The following CGREF1 variants were observed in gnomAD, a reference collection of about 807,000 sequenced individuals.
CGREF1 encodes the protein cell growth regulator with EF-hand domain 1, also known as cell growth regulator with EF hand domain protein 1.
Under a neutral mutation model 17.4 loss-of-function variants are expected in CGREF1, and 16 were observed. That is an observed-to-expected ratio of 0.92 (90% CI 0.62 to 1.40). The LOEUF (loss-of-function observed/expected upper bound fraction) is 1.40. Among genes scored for constraint, CGREF1 ranks in the 40% most tolerant of loss-of-function variants. The pLI is 0.00. For missense variants in CGREF1, 296 were observed against 376.4 expected (o/e 0.79, Z 1.77); for synonymous variants, 142 against 154.6 (o/e 0.92, Z 0.61).
downstream of CGREF1, chr2:27,100,449 T>G (rs750863687): frequency 9.3e-6 from 12 of 1,290,892 alleles, no homozygotes; most frequent in African/African-American, 1.8e-4. Context: ...GCCACAAATG[T>G]GACCCAGGAT....
intron 1 of CGREF1, among the ~76,000 whole-genome samples, chr2:27,117,247 G>C (rs1173642427): frequency 6.6e-6 from 1 of 152,102 alleles, no homozygotes; most frequent in Non-Finnish European, 1.5e-5. Flanking sequence ...TGACATTTTA[G>C]TGCAAGTAAC....
chr2:27,111,673 G>T (rs1215526588), intron 1 of CGREF1, among the ~76,000 whole-genome samples: 1 of 152,212 alleles, frequency 6.6e-6, no homozygotes, highest in Non-Finnish European at 1.5e-5. Context: ...GGCAGCTGAG[G>T]CCCGGCGAGA....
At position 27,102,236 on chromosome 2, in the gene CGREF1, AGCTGGATTAGAAGAGGT is replaced by A. The variant is rs943762130; in HGVS notation, c.218-32_218-16del. 5.0e-6 allele frequency: 8 copies of A among 1,610,640 alleles called. No homozygotes were observed. Among genetic ancestry groups the A allele is most frequent in the Non-Finnish European group, 6.8e-6 (8 of 1,177,398 alleles). On this transcript the variant is annotated splice_polypyrimidine_tract_variant and intron_variant, in intron 4 of 5. Transcript: ENST00000402394. ...GTAGAGGAGAACTAAAGAGAAGAGA[AGCTGGATTAGAAGAGGT>A]GCCGGGGGAGGTGGAGAAGGCAGGA...
downstream of CGREF1, chr2:27,099,380 G>A (rs371334415): frequency 5.8e-5 from 93 of 1,610,186 alleles, no homozygotes; most frequent in Non-Finnish European, 7.3e-5. Flanking sequence ...CTGGGGGGAC[G>A]GGGTGGGCTA....
intron 1 of CGREF1, among the ~76,000 whole-genome samples, chr2:27,110,354 A>G (rs1671318877): frequency 6.6e-6 from 1 of 152,150 alleles, no homozygotes; most frequent in Non-Finnish European, 1.5e-5. Flanking sequence ...GTAAGCTGCA[A>G]TTATACCACT....
intron 1 of CGREF1, chr2:27,104,697 A>T: frequency 6.5e-7 from 1 of 1,549,748 alleles, no homozygotes; most frequent in Non-Finnish European, 8.7e-7. Flanking sequence ...AGAGAAGTAC[A>T]GCGCAAGCAT....
At chr2:27,100,186 C>T (rs1206349919), downstream of CGREF1, 1 of 454,466 alleles carries the variant, frequency 2.2e-6, no homozygotes, top group South Asian at 2.1e-5. Flanking sequence ...GTGAACCTGC[C>T]AAAGAAACCG....
Position 27,101,260 on chromosome 2 carries a change from TG to T in CGREF1, c.*13del, listed in dbSNP as rs1370705042. ...TGGCACTGAGACTTCGTGGGGTACCTGTATCTTCAAGATCTAGATCTCATCA... is the reference window on the plus strand; with the variant it reads ...TGGCACTGAGACTTCGTGGGGTACCTTATCTTCAAGATCTAGATCTCATCA... On this transcript the variant is annotated 3_prime_UTR_variant, in exon 6 of 6. Transcript: ENST00000402394. 7.2e-6 allele frequency: 11 copies of T among 1,531,430 alleles called. No individual in the cohort carries two copies. The highest frequency in any genetic ancestry group is 9.7e-6 in the Non-Finnish European group (11 of 1,139,166). The allele number at this position is 1,531,430 out of a possible 1,614,324, so 94.9% of individuals were successfully genotyped here. A position where few individuals can be genotyped will look rare whatever the true frequency, so the allele number is the denominator to read the frequency against.
chr2:27,110,938 G>C (rs1390920936), intron 1 of CGREF1: 1 of 152,480 alleles, frequency 6.6e-6, no homozygotes, highest in East Asian at 1.9e-4. Context: ...CTCCCAGTGG[G>C]TTCGTGATCT....
At chr2:27,113,023 T>G (rs1671447805) in intron 1 of CGREF1, among the ~76,000 whole-genome samples, 1 of 152,142 alleles carries the variant, frequency 6.6e-6, no homozygotes, top group South Asian at 2.1e-4. Context: ...GTGCCTTGTT[T>G]CCAGGAAGGT....
intron 1 of CGREF1, 189 bp from the exon 2 acceptor site, chr2:27,104,566 T>C: frequency 5.8e-6 from 9 of 1,550,584 alleles, no homozygotes; most frequent in Non-Finnish European, 7.8e-6. Flanking sequence ...AAAATAAATG[T>C]CACTCCAGCT....
Position 27,104,396 on chromosome 2 carries a change from T to C in CGREF1, c.-11-19A>G. ...CCTGGAACTGGAACAAGGAAGAGAA[T>C]CAGGGGTCGGGGGAAAGAGGCGTCT... On this transcript the variant is annotated intron_variant, in intron 1 of 5. Transcript: ENST00000402394. The C allele has an allele frequency of 6.2e-7, 1 of 1,613,062 alleles. No individual in the cohort carries two copies. Among genetic ancestry groups the C allele is most frequent in the Non-Finnish European group, 8.5e-7 (1 of 1,179,638 alleles).
downstream of CGREF1, chr2:27,099,913 T>TG (rs1259745759): frequency 9.4e-6 from 14 of 1,491,872 alleles, no homozygotes; most frequent in East Asian, 1.5e-4. Flanking sequence ...GGAGAGGCTC[T>TG]GGGGGGATGG....
intron 1 of CGREF1, among the ~76,000 whole-genome samples, chr2:27,107,269 G>GTTTTGT (rs1259647416): frequency 1.3e-5 from 2 of 152,000 alleles, no homozygotes; most frequent in African/African-American, 4.8e-5. Context: ...GTTTTGTTTT[G>GTTTTGT]TTTGAGAGAG....
At chr2:27,106,359 C>A (rs1046965061) in intron 1 of CGREF1, among the ~76,000 whole-genome samples, 3 of 152,194 alleles carry the variant, frequency 2.0e-5, no homozygotes, top group African/African-American at 7.2e-5. Context: ...ACTTGAGCTG[C>A]CTGTCAGTGT....
At chr2:27,110,736 G>C (rs544492388) in intron 1 of CGREF1, 1 of 160,818 alleles carries the variant, frequency 6.2e-6, no homozygotes, top group African/African-American at 2.4e-5. Context: ...GAATGAAGCC[G>C]CGGACCCTCG....
At chr2:27,110,081 G>A (rs1671301768) in intron 1 of CGREF1, among the ~76,000 whole-genome samples, 1 of 151,944 alleles carries the variant, frequency 6.6e-6, no homozygotes, top group Non-Finnish European at 1.5e-5. Context: ...AGTAAAGGCT[G>A]GGTGTGTGGC....
At chr2:27,116,037 AC>A (rs35049337) in intron 1 of CGREF1, among the ~76,000 whole-genome samples, 59,725 of 150,492 alleles carry the variant, frequency 0.4, 12,161 homozygotes, top group Admixed American at 0.53. Context: ...GCAAAATGAG[AC>A]CCCCCCCATC....
chr2:27,101,120 AG>A lies in CGREF1; in HGVS notation c.*153del. 1 of 1,402,990 alleles carries A rather than the reference AG, an allele frequency of 7.1e-7. No homozygotes were observed. The highest frequency in any genetic ancestry group is 1.8e-5 in the South Asian group (1 of 55,194). 86.9% of individuals were successfully genotyped at this position (1,402,990 alleles called of 1,614,324 possible). A position where few individuals can be genotyped will look rare whatever the true frequency, so the allele number is the denominator to read the frequency against. On this transcript the variant is annotated 3_prime_UTR_variant, in exon 6 of 6. Transcript: ENST00000402394. ...TTATTGGTAATCTGCCCCTTAACTTAGGGTCTCCCTGAGCTGCACAGAAAGA... is the reference window on the plus strand; with the variant it reads ...TTATTGGTAATCTGCCCCTTAACTTAGGTCTCCCTGAGCTGCACAGAAAGA...
Sources: gnomAD v4.1 joint callset for allele counts (sites outside exome capture counted in the v4.1 genomes callset) on GRCh38, gnomAD v4.1.1 for gene constraint, MANE v1.5 for transcripts, NCBI Gene and HGNC (gene_info 2026-07-23, HGNC 2026-07-21) for gene names.